Variants in SLC30A10 observed in about 807,000 individuals in gnomAD.
The protein encoded by SLC30A10 is solute carrier family 30 member 10.
A neutral mutation model predicts 21.7 loss-of-function variants in SLC30A10; 8 were observed. The ratio of observed to expected loss-of-function variants is 0.37; its 90% CI spans 0.22 to 0.67. The LOEUF (loss-of-function observed/expected upper bound fraction) is 0.67, where lower values mean the gene tolerates loss of function less well. Ranked by LOEUF, SLC30A10 falls within the 30% of genes least tolerant of loss-of-function variation. The pLI, the probability that SLC30A10 is intolerant of heterozygous loss-of-function variation, is 0.58. For synonymous variants in SLC30A10, 272 were observed against 279.4 expected (o/e 0.97, Z 0.26); for missense variants, 521 against 642.5 (o/e 0.81, Z 2.04).
At chr1:219,924,965 C>G (rs1659779089) in intron 2 of SLC30A10, among the ~76,000 whole-genome samples, 1 of 152,082 alleles carries the variant, frequency 6.6e-6, no homozygotes, top group African/African-American at 2.4e-5. Context: ...AGTTTGAAGC[C>G]AAATCCCAAC....
intron 1 of SLC30A10, among the ~76,000 whole-genome samples, chr1:219,949,287 G>T (rs1268939592): frequency 3.3e-5 from 5 of 151,652 alleles, no homozygotes; most frequent in African/African-American, 1.2e-4. Context: ...AAATCATGCT[G>T]CTATAAAGAC....
chr1:219,949,506 A>T (rs990024444), intron 1 of SLC30A10, among the ~76,000 whole-genome samples: 16 of 152,090 alleles, frequency 1.1e-4, no homozygotes, highest in African/African-American at 3.9e-4. Context: ...CTATCGCAAG[A>T]ACAAAAAACC....
At chr1:219,932,650 C>G (rs563860645), upstream of SLC30A10, among the ~76,000 whole-genome samples, 4 of 148,722 alleles carry the variant, frequency 2.7e-5, no homozygotes, top group African/African-American at 9.8e-5. Context: ...TATTGGGCCT[C>G]CAAGTTTTTT....
chr1:219,929,010 G>A (rs1245055067), upstream of SLC30A10, among the ~76,000 whole-genome samples: 1 of 152,238 alleles, frequency 6.6e-6, no homozygotes, highest in Admixed American at 6.5e-5. Flanking sequence ...TTAATCAGGT[G>A]CAAGGCCCCG....
At chr1:219,930,342 G>A (rs1311448099), upstream of SLC30A10, among the ~76,000 whole-genome samples, 2 of 152,106 alleles carry the variant, frequency 1.3e-5, no homozygotes, top group African/African-American at 4.8e-5. Flanking sequence ...AGCCAGGCGT[G>A]TGTGCCTATG....
At chr1:219,931,518 TTAC>T (rs572489814), upstream of SLC30A10, among the ~76,000 whole-genome samples, 196 of 152,308 alleles carry the variant, frequency 1.3e-3, no homozygotes, top group South Asian at 3.1e-3. Context: ...GTCTACTCTG[TTAC>T]CCAGGCTGAA....
At chr1:219,939,627 A>G (rs1558258565) in intron 1 of SLC30A10, among the ~76,000 whole-genome samples, 1 of 152,000 alleles carries the variant, frequency 6.6e-6, no homozygotes, top group Non-Finnish European at 1.5e-5. Flanking sequence ...AGGGGGTTTC[A>G]CCATCTTGGC....
Position 219,915,626 on chromosome 1 carries a change from G to A in SLC30A10, c.1281C>T (p.Gly427=), listed in dbSNP as rs1331473308. 1 of 1,614,124 alleles carries A rather than the reference G, an allele frequency of 6.2e-7. No homozygotes were observed. Among genetic ancestry groups the A allele is most frequent in the African/African-American group, 1.3e-5 (1 of 74,944 alleles). ...PGALPLAHVN[G]CAEHNGGPSL... ...AGGGCCCACCATTGTGCTCAGCACAGCCATTGACGTGAGCCAGAGGCAGTG... is the reference window on the plus strand; with the variant it reads ...AGGGCCCACCATTGTGCTCAGCACAACCATTGACGTGAGCCAGAGGCAGTG... The change falls in exon 4 of 4, where the codon GGC becomes GGT. Residue 427 remains glycine (G), a synonymous_variant. Coordinates refer to ENST00000366926, the MANE Select transcript of SLC30A10 (RefSeq NM_018713.3).
chr1:219,925,786 G>A (rs1659807770), intron 2 of SLC30A10, among the ~76,000 whole-genome samples: 1 of 147,982 alleles, frequency 6.8e-6, no homozygotes, highest in Non-Finnish European at 1.5e-5. Flanking sequence ...CTCCCGAGTA[G>A]CTGGGATTAC....
intron 2 of SLC30A10, among the ~76,000 whole-genome samples, chr1:219,921,904 T>TGTGAGAGAGA (rs1200596880): frequency 5.9e-5 from 5 of 84,698 alleles, no homozygotes; most frequent in Admixed American, 2.5e-4. Flanking sequence ...TGTGTGTGTG[T>TGTGAGAGAGA]GAAAGAGAGA....
intron 1 of SLC30A10, among the ~76,000 whole-genome samples, chr1:219,953,310 C>A (rs1187970361): frequency 6.6e-6 from 1 of 152,008 alleles, no homozygotes; most frequent in Non-Finnish European, 1.5e-5. Flanking sequence ...GAAAAGCCAC[C>A]TTCAGGCCGG....
At chr1:219,932,954 G>T (rs139361405), upstream of SLC30A10, among the ~76,000 whole-genome samples, 1 of 151,010 alleles carries the variant, frequency 6.6e-6, no homozygotes, top group Non-Finnish European at 1.5e-5. Flanking sequence ...CCAGCTACTC[G>T]GGAGGCTGAG....
intron 2 of SLC30A10, among the ~76,000 whole-genome samples, chr1:219,925,542 A>G (rs575042017): frequency 1.3e-4 from 19 of 150,462 alleles, no homozygotes; most frequent in African/African-American, 4.6e-4. Flanking sequence ...TCAAAGAAGA[A>G]AAAAAATGAG....
At chr1:219,953,730 T>C (rs1322732940) in intron 1 of SLC30A10, among the ~76,000 whole-genome samples, 1 of 150,342 alleles carries the variant, frequency 6.7e-6, no homozygotes, top group Admixed American at 6.7e-5. Context: ...TTTTTGAGAC[T>C]GAGTCTTGCT....
At position 219,928,431 on chromosome 1, in the gene SLC30A10, A is replaced by T; in HGVS notation, c.10T>A (p.Tyr4Asn). 6.2e-7 allele frequency: 1 copy of T among 1,609,354 alleles called. No individual in the cohort carries two copies. Among genetic ancestry groups the T allele is most frequent in the Non-Finnish European group, 8.5e-7 (1 of 1,178,224 alleles). The change falls in exon 1 of 4, where the codon TAC (tyrosine) becomes AAC (asparagine). Residue 4 changes from tyrosine to asparagine, a missense_variant. Transcript: ENST00000366926. This position sits in a 1 kb window ranked among gnomAD's most constrained non-coding sequence, Gnocchi z 6.3. ...AGCAGCCGGCACGTCTTGCCAGAGT[A>T]GCGGCCCATCTCGCCACCAGCCCCG... is the stretch of plus-strand genomic sequence containing the variant. MGRYSGKTCRLLFM... is the reference protein window; with the variant it reads MGRNSGKTCRLLFM...
At position 219,918,262 on chromosome 1, in the gene SLC30A10, T is replaced by G. The variant is rs1659593277; in HGVS notation, c.951A>C (p.Glu317Asp). ...AAAATTCAGTCTACTTACTCAGCTC[T>G]TCCATGTTGACTCCTTTTGGGACCA... ...LQMVPKGVNMEELMSKLSAVP... is the reference protein window; with the variant it reads ...LQMVPKGVNMDELMSKLSAVP... Residue 317 changes from glutamate (E) to aspartate (D), a missense_variant, in exon 3 of 4, where the codon GAA becomes GAC. Glu to Asp is a conservative substitution (Grantham distance 45). Transcript: ENST00000366926. The surrounding 1 kb of genome is among the most constrained non-coding windows in gnomAD (Gnocchi z 4.4). 2 of 1,613,876 alleles carry G rather than the reference T, an allele frequency of 1.2e-6. No individual in the cohort carries two copies. The highest frequency in any genetic ancestry group is 1.3e-5 in the African/African-American group (1 of 74,928).
Position 219,927,680 on chromosome 1 carries a change from A to AC in SLC30A10, c.640+120_640+121insG, listed in dbSNP as rs1397535678. 0.12 allele frequency: 53,596 copies of AC among 437,684 alleles called. 8,313 individuals carry two copies. The highest frequency in any genetic ancestry group is 0.38 in the African/African-American group (11,923 of 31,308). 27.1% of individuals were successfully genotyped at this position (437,684 alleles called of 1,614,324 possible). A position where few individuals can be genotyped will look rare whatever the true frequency, so the allele number is the denominator to read the frequency against. ...AAAAAAAAAAAAAACAACAACAACA[A>AC]AAAAAAAAAAACAGAAAAAAAGCAT... is the stretch of plus-strand genomic sequence containing the variant. On this transcript the variant is annotated intron_variant, in intron 1 of 3. Coordinates refer to ENST00000366926, the MANE Select transcript of SLC30A10 (RefSeq NM_018713.3).
intron 1 of SLC30A10, among the ~76,000 whole-genome samples, chr1:219,953,663 A>AATTTTATTTTATTTTATTTTATTTT (rs372851865): frequency 3.5e-4 from 47 of 135,728 alleles, no homozygotes; most frequent in African/African-American, 1.3e-3. Flanking sequence ...CAGCTTCTCA[A>AATTTTATTTTATTTTATTTTATTTT]ATTTTATTTT....
intron 1 of SLC30A10, among the ~76,000 whole-genome samples, chr1:219,934,186 G>C (rs889694235): frequency 6.6e-6 from 1 of 152,214 alleles, no homozygotes; most frequent in Non-Finnish European, 1.5e-5. Flanking sequence ...TACTCGGGAG[G>C]CTGAGGCAGG....
Sources: gnomAD v4.1 joint callset for allele counts (sites outside exome capture counted in the v4.1 genomes callset) on GRCh38, gnomAD v4.1.1 for gene constraint, Gnocchi (gnomAD v3.1) non-coding constraint, MANE v1.5 for transcripts, NCBI Gene and HGNC (gene_info 2026-07-23, HGNC 2026-07-21) for gene names.